VIRMA: variants seen among roughly 807,000 people sequenced by gnomAD.
VIRMA encodes the protein protein virilizer homolog.
A neutral mutation model predicts 182.4 loss-of-function variants in VIRMA; 65 were observed. That is an observed-to-expected ratio of 0.36 (90% CI 0.29 to 0.44). VIRMA has a LOEUF of 0.44. Ranked by LOEUF, VIRMA falls within the 20% of genes least tolerant of loss-of-function variation. The probability of loss-of-function intolerance (pLI) is 1.00; values close to 1 mark genes in which losing one functional copy is unlikely to be tolerated. For missense variants in VIRMA, 1,752 were observed against 2,158.1 expected, an observed-to-expected ratio of 0.81 and a Z score of 3.73; for synonymous variants, 709 against 743.1, an observed-to-expected ratio of 0.95 and a Z score of 0.75.
At chr8:94,510,708 C>G in intron 13 of VIRMA, 56 bp from the exon 14 acceptor site, 2 of 1,267,132 alleles carry the variant, frequency 1.6e-6, no homozygotes, top group Non-Finnish European at 2.3e-6. Flanking sequence ...TATTTATAGT[C>G]ACAAAAACTG....
intron 5 of VIRMA, among the ~76,000 whole-genome samples, chr8:94,532,611 G>A (rs947307050): frequency 2.0e-5 from 3 of 152,198 alleles, no homozygotes; most frequent in South Asian, 2.1e-4. Flanking sequence ...GCTAAAGAGT[G>A]CACAGGACTT....
At chr8:94,502,154 T>C (rs943533400) in intron 16 of VIRMA, among the ~76,000 whole-genome samples, 3 of 152,178 alleles carry the variant, frequency 2.0e-5, no homozygotes, top group African/African-American at 7.2e-5. Flanking sequence ...TATTTTCCTA[T>C]TGGACAAGGC....
At chr8:94,530,206 T>C (rs141461168) in intron 6 of VIRMA, among the ~76,000 whole-genome samples, 274 of 152,154 alleles carry the variant, frequency 1.8e-3, no homozygotes, top group African/African-American at 6.4e-3. Flanking sequence ...GTTAACTGGC[T>C]GACAGAAAGA....
chr8:94,526,177 C>G (rs1480927582), intron 8 of VIRMA, 46 bp downstream of exon 8: 1 of 1,436,752 alleles, frequency 7.0e-7, no homozygotes, highest in Admixed American at 2.2e-5. Context: ...AAAATTGTCT[C>G]CAATGATTTG....
At chr8:94,510,378 T>C (rs748380623) in intron 14 of VIRMA, 39 bp downstream of exon 14, 2 of 1,531,836 alleles carry the variant, frequency 1.3e-6, no homozygotes, top group African/African-American at 2.8e-5. Flanking sequence ...GTGTCAAAAA[T>C]AATTTGAGGA....
At position 94,518,969 on chromosome 8, in the gene VIRMA, G is replaced by T. The variant is rs1024502748; in HGVS notation, c.2513+16C>A. The T allele has an allele frequency of 6.4e-7, 1 of 1,570,532 alleles. No individual in the cohort carries two copies. Among genetic ancestry groups the T allele is most frequent in the African/African-American group, 1.4e-5 (1 of 72,880 alleles). ...TCTAACATCATAGAAAATTTAAGGA[G>T]TAAGTAGGAAATTACCCCAAGGCTT... On this transcript the variant is annotated intron_variant, in intron 9 of 23. Transcript: ENST00000297591.
intron 10 of VIRMA, 57 bp from the exon 11 acceptor site, chr8:94,515,008 A>G (rs1814512637): frequency 2.3e-6 from 2 of 877,498 alleles, no homozygotes; most frequent in Admixed American, 5.9e-5. Context: ...TAACAAAGAA[A>G]GTAAATATTT....
rs559834058 is a variant in VIRMA, at chr8:94,541,531, G to A, written c.179+2296C>T. On this transcript the variant is annotated intron_variant, in intron 2 of 23. Coordinates refer to ENST00000297591, the MANE Select transcript of VIRMA (RefSeq NM_015496.5). ...AACACTGCTTTCAACTTTCAGATTC[G>A]GTCTTCCTGGCTCTTTTTTCTTTTT... 4.6e-5 allele frequency among the ~76,000 whole-genome samples: 7 copies of A among 151,788 alleles called. No individual in the cohort carries two copies. In the South Asian group the frequency reaches 1.5e-3, roughly 32 times the overall value.
At chr8:94,521,476 G>A (rs938881762) in intron 8 of VIRMA, among the ~76,000 whole-genome samples, 2 of 152,110 alleles carry the variant, frequency 1.3e-5, no homozygotes, top group South Asian at 4.2e-4. Context: ...CAAAAATGGG[G>A]TAAAAATCTG....
intron 23 of VIRMA, among the ~76,000 whole-genome samples, chr8:94,489,716 G>A (rs911026765): frequency 6.6e-6 from 1 of 151,980 alleles, no homozygotes; most frequent in Non-Finnish European, 1.5e-5. Flanking sequence ...TATAAAATAT[G>A]TGTCAATCAA....
intron 9 of VIRMA, among the ~76,000 whole-genome samples, 195 bp from the exon 10 acceptor site, chr8:94,518,137 T>C (rs1814625999): frequency 6.6e-6 from 1 of 152,142 alleles, no homozygotes; most frequent in Non-Finnish European, 1.5e-5. Flanking sequence ...TACTTAAAAG[T>C]ATATAAAAAA....
At chr8:94,505,266 C>T (rs1308197135) in intron 16 of VIRMA, among the ~76,000 whole-genome samples, 4 of 152,088 alleles carry the variant, frequency 2.6e-5, no homozygotes, top group Admixed American at 2.6e-4. Flanking sequence ...AGTTTTCAAC[C>T]AATGCTGCAA....
intron 11 of VIRMA, among the ~76,000 whole-genome samples, chr8:94,513,720 C>T (rs78027502): frequency 0.15 from 22,439 of 152,154 alleles, 2,080 homozygotes; most frequent in South Asian, 0.3. Flanking sequence ...ATTTATTGAA[C>T]ATCTTGTTAA....
At chr8:94,518,256 T>C (rs369746052) in intron 9 of VIRMA, among the ~76,000 whole-genome samples, 19 of 152,352 alleles carry the variant, frequency 1.2e-4, no homozygotes, top group African/African-American at 4.6e-4. Context: ...GGAAGTATAC[T>C]TCATTAGTCT....
At chr8:94,530,132 T>C (rs1815114949) in intron 6 of VIRMA, among the ~76,000 whole-genome samples, 2 of 152,124 alleles carry the variant, frequency 1.3e-5, no homozygotes, top group Non-Finnish European at 2.9e-5. Flanking sequence ...TACATATCAC[T>C]ACAGCAAACT....
chr8:94,524,690 AT>A (rs1297219483), intron 8 of VIRMA, among the ~76,000 whole-genome samples: 1 of 152,098 alleles, frequency 6.6e-6, no homozygotes, highest in Non-Finnish European at 1.5e-5. Flanking sequence ...ATCCACCCAC[AT>A]TTCTTAAAAC....
chr8:94,511,124 TG>T (rs1333032525), intron 13 of VIRMA, 60 bp downstream of exon 13: 2 of 1,556,606 alleles, frequency 1.3e-6, no homozygotes, highest in Non-Finnish European at 1.7e-6. Context: ...ACAAAATCAC[TG>T]GCTTTTTAAA....
chr8:94,537,809 G>C (rs956926475), intron 3 of VIRMA, among the ~76,000 whole-genome samples: 1 of 151,798 alleles, frequency 6.6e-6, no homozygotes, highest in Non-Finnish European at 1.5e-5. Context: ...AAACTACCTA[G>C]CATGTACTAA....
At chr8:94,527,495 C>T in intron 7 of VIRMA, 132 bp from the exon 8 acceptor site, 1 of 557,006 alleles carries the variant, frequency 1.8e-6, no homozygotes, top group Non-Finnish European at 3.0e-6. Context: ...TCTGCCCCAA[C>T]ATCTTACCCA....
Sources: gnomAD v4.1 joint callset for allele counts (sites outside exome capture counted in the v4.1 genomes callset) on GRCh38, gnomAD v4.1.1 for gene constraint, MANE v1.5 for transcripts, NCBI Gene and HGNC (gene_info 2026-07-23, HGNC 2026-07-21) for gene names.